The following HELZ variants were observed in gnomAD, a reference collection of about 807,000 sequenced individuals.
The protein encoded by HELZ is ATP-dependent RNA helicase with zinc finger domain.
In HELZ, 23 loss-of-function variants were observed where a neutral mutation model predicts 218.2. The observed-to-expected ratio is 0.11, with a 90% CI of 0.08 to 0.15. The LOEUF is 0.15. HELZ is among the 10% of genes least tolerant of loss of function. HELZ has a pLI of 1.00. For missense variants in HELZ, 1,813 were observed against 2,353.7 expected (o/e 0.77, Z 4.75); for synonymous variants, 814 against 829.4 (o/e 0.98, Z 0.32).
intron 32 of HELZ, among the ~76,000 whole-genome samples, 156 bp downstream of exon 32, chr17:67,086,645 TATATATATATATATATATAGAATCAATA>T (rs1567788014): frequency 7.5e-6 from 1 of 133,948 alleles, no homozygotes; most frequent in African/African-American, 2.7e-5. Context: ...TATATATATA[TATATATATATATATATATAGAATCAATA>T]TAGTCCTAAA....
At chr17:67,187,619 AAATAG>A (rs1227459488) in intron 12 of HELZ, among the ~76,000 whole-genome samples, 2 of 152,356 alleles carry the variant, frequency 1.3e-5, no homozygotes, top group Admixed American at 1.3e-4. Flanking sequence ...AGTTTTTGTT[AAATAG>A]AATAGAACAC....
intron 27 of HELZ, among the ~76,000 whole-genome samples, chr17:67,115,695 A>T (rs2037404978): frequency 6.6e-6 from 1 of 152,124 alleles, no homozygotes; most frequent in African/African-American, 2.4e-5. Context: ...GCCAACCAAG[A>T]ATTCTCCACC....
chr17:67,140,815 T>C (rs1782674056), intron 21 of HELZ, among the ~76,000 whole-genome samples: 1 of 151,814 alleles, frequency 6.6e-6, no homozygotes, highest in East Asian at 1.9e-4. Context: ...AAAAATAAAA[T>C]CTTGAAAACA....
In HELZ at chr17:67,072,455, G is replaced by GTGCACTCGATACACTTA. The variant is rs1567774094; in HGVS notation, c.*5796_*5797insTAAGTGTATCGAGTGCA. Reference sequence around the variant, plus strand: ...GCACTTAGTGCCTCGATACATGCTAGGTGCACTCTCATGGCATTCTGATGG... The same window carrying GTGCACTCGATACACTTA: ...GCACTTAGTGCCTCGATACATGCTAGTGCACTCGATACACTTAGTGCACTCTCATGGCATTCTGATGG... On this transcript the variant is annotated 3_prime_UTR_variant, in exon 33 of 33. Transcript: ENST00000358691. 1.3e-5 allele frequency: 2 copies of GTGCACTCGATACACTTA among 152,698 alleles called. No individual in the cohort carries two copies. The highest frequency in any genetic ancestry group is 2.9e-5 in the Non-Finnish European group (2 of 68,088). The allele number at this position is 152,698 out of a possible 1,614,324, so 9.5% of individuals were successfully genotyped here. A position where few individuals can be genotyped will look rare whatever the true frequency, so the allele number is the denominator to read the frequency against.
intron 7 of HELZ, among the ~76,000 whole-genome samples, chr17:67,196,964 T>C (rs1250609244): frequency 6.6e-6 from 1 of 152,154 alleles, no homozygotes; most frequent in African/African-American, 2.4e-5. Context: ...AAAGCCCTCA[T>C]TACCGCTTGT....
In HELZ at chr17:67,167,750, T is replaced by C. The variant is rs1208821626; in HGVS notation, c.1477A>G (p.Thr493Ala). The C allele has an allele frequency of 6.2e-7, 1 of 1,613,972 alleles. No homozygotes were observed. The highest frequency in any genetic ancestry group is 1.1e-5 in the South Asian group (1 of 91,050). ...QLQILASFML[T>A]GVSGGAKYAQ... ...TACTTTGCACCTCCAGAAACACCAG[T>C]GAGCATGAAGCTTGCCAGAATCTGC... The change falls in exon 14 of 33, where the codon ACT becomes GCT. Residue 493 changes from threonine to alanine, a missense_variant. Around this residue, in one of 4 missense-constraint regions of HELZ, gnomAD observed 714 missense variants for 1,029.2 expected, o/e 0.69. Coordinates refer to ENST00000358691, the MANE Select transcript of HELZ (RefSeq NM_014877.4).
At chr17:67,223,323 G>A (rs981133992) in intron 3 of HELZ, among the ~76,000 whole-genome samples, 3 of 152,080 alleles carry the variant, frequency 2.0e-5, no homozygotes, top group Admixed American at 6.6e-5. Flanking sequence ...GGACAGAGTG[G>A]CCCAGGGAAT....
rs184499441 is a variant in HELZ at position 67,114,380 on chromosome 17, C to T, written c.3862G>A (p.Gly1288Arg). The T allele has an allele frequency of 2.7e-4, 427 of 1,609,002 alleles. 3 individuals carry two copies. In the East Asian group the frequency reaches 7.7e-3, roughly 29 times the overall value. ...GTTCGAATCTTATTAATTTCAGGTC[C>T]GGAATTATTTGTATCACTTTTACCT... is the stretch of plus-strand genomic sequence containing the variant. ...RNGKSDTNNS[G>R]PEINKIRTPE... Residue 1288 changes from glycine (G) to arginine (R), a missense_variant, in exon 28 of 33, where the codon GGA (glycine) becomes AGA (arginine). Coordinates refer to ENST00000358691, the MANE Select transcript of HELZ (RefSeq NM_014877.4).
At chr17:67,185,432 G>T (rs2039728195) in intron 12 of HELZ, among the ~76,000 whole-genome samples, 1 of 152,030 alleles carries the variant, frequency 6.6e-6, no homozygotes, top group Non-Finnish European at 1.5e-5. Context: ...TGAAACAAAA[G>T]TAGTCACGCA....
At chr17:67,102,250 A>G (rs2036953176) in intron 31 of HELZ, among the ~76,000 whole-genome samples, 1 of 152,224 alleles carries the variant, frequency 6.6e-6, no homozygotes, top group South Asian at 2.1e-4. Context: ...AATTGTTTCA[A>G]GTTTTCCCAA....
chr17:67,198,757 C>T (rs1598409214), intron 7 of HELZ, among the ~76,000 whole-genome samples: 1 of 152,130 alleles, frequency 6.6e-6, no homozygotes, highest in South Asian at 2.1e-4. Flanking sequence ...CAAATTGTTG[C>T]CATTTTTAAA....
intron 31 of HELZ, among the ~76,000 whole-genome samples, 192 bp from the exon 32 acceptor site, chr17:67,087,273 G>C (rs1347801681): frequency 6.6e-6 from 1 of 152,150 alleles, no homozygotes; most frequent in Non-Finnish European, 1.5e-5. Flanking sequence ...CTAGGCTCTG[G>C]ACATGGTGTC....
chr17:67,214,694 G>A (rs2040550105), intron 5 of HELZ, among the ~76,000 whole-genome samples: 1 of 151,944 alleles, frequency 6.6e-6, no homozygotes, highest in South Asian at 2.1e-4. Context: ...TCAAACCACT[G>A]AGCTCTGCAA....
intron 10 of HELZ, 44 bp from the exon 11 acceptor site, chr17:67,189,740 G>A (rs750000589): frequency 1.6e-6 from 2 of 1,241,556 alleles, no homozygotes; most frequent in Non-Finnish European, 2.4e-6. Flanking sequence ...ATTGCTAAGG[G>A]CACAAACAAA....
intron 32 of HELZ, among the ~76,000 whole-genome samples, chr17:67,079,894 T>C (rs752647709): frequency 6.6e-6 from 1 of 152,234 alleles, no homozygotes; most frequent in Non-Finnish European, 1.5e-5. Flanking sequence ...TCCTATTATT[T>C]TGTAGGCACT....
rs142773021 is a variant in HELZ at position 67,181,459 on chromosome 17, T to C, written c.1163-2533A>G. On this transcript the variant is annotated intron_variant, in intron 12 of 32. Coordinates refer to ENST00000358691, the MANE Select transcript of HELZ (RefSeq NM_014877.4). ...TTTGTTTTTCTCATTATCTATATAG[T>C]ACCCTGATTCCCACCTGGATTTTAT... 5.8e-3 allele frequency among the ~76,000 whole-genome samples: 886 copies of C among 152,326 alleles called. 8 individuals carry two copies. The highest frequency in any genetic ancestry group is 0.02 in the African/African-American group (839 of 41,576).
chr17:67,150,109 TTTTA>T (rs753479567), intron 18 of HELZ, 124 bp from the exon 19 acceptor site: 16 of 591,902 alleles, frequency 2.7e-5, no homozygotes, highest in South Asian at 1.7e-4. Context: ...TATTGAGTAC[TTTTA>T]TTTATTTATT....
chr17:67,202,274 T>C (rs2040188332), intron 6 of HELZ, among the ~76,000 whole-genome samples: 1 of 151,830 alleles, frequency 6.6e-6, no homozygotes, highest in African/African-American at 2.4e-5. Context: ...TTTCTATAGA[T>C]TATCAAATCC....
Position 67,109,544 on chromosome 17 carries a change from G to A in HELZ, c.4061C>T (p.Ala1354Val). 6.2e-7 allele frequency: 1 copy of A among 1,614,174 alleles called. No homozygotes were observed. The highest frequency in any genetic ancestry group is 8.5e-7 in the Non-Finnish European group (1 of 1,180,040). The change falls in exon 29 of 33, where the codon GCA becomes GTA. Residue 1354 changes from alanine (A) to valine (V), a missense_variant. Ala to Val is a moderately conservative substitution (Grantham distance 64, BLOSUM62 0). Around this residue, in one of 4 missense-constraint regions of HELZ, gnomAD observed 938 missense variants for 1,027.5 expected, o/e 0.91. Coordinates refer to ENST00000358691, the MANE Select transcript of HELZ (RefSeq NM_014877.4). The part of the protein sequence containing the change: ...LPLPAPHAQY[A>V]IPNRHFHPLP... ...GGGATGAAAGTGGCGATTAGGGATTGCATACTGTGCGTGGGGAGCAGGAAG... is the reference window on the plus strand; with the variant it reads ...GGGATGAAAGTGGCGATTAGGGATTACATACTGTGCGTGGGGAGCAGGAAG...
Sources: gnomAD v4.1 joint callset for allele counts (sites outside exome capture counted in the v4.1 genomes callset) on GRCh38, gnomAD v4.1.1 for gene constraint, gnomAD v4.1.1 regional missense constraint, MANE v1.5 for transcripts, NCBI Gene and HGNC (gene_info 2026-07-23, HGNC 2026-07-21) for gene names.